USP6NL: variants seen among roughly 807,000 people sequenced by gnomAD.
The protein encoded by USP6NL is USP6 N-terminal like.
USP6NL carries 26 observed loss-of-function variants against 61.9 expected under a neutral mutation model. That is an observed-to-expected ratio of 0.42 (90% confidence interval 0.31 to 0.58). USP6NL has a LOEUF of 0.58. Ranked by LOEUF, USP6NL falls within the 20% of genes least tolerant of loss-of-function variation. The pLI, the probability that USP6NL is intolerant of heterozygous loss-of-function variation, is 0.16. For synonymous variants in USP6NL, 432 were observed against 390.1 expected (o/e 1.11, Z -1.27); for missense variants, 1,114 against 1,034.3 (o/e 1.08, Z -1.06).
At chr10:11,484,917 G>T in intron 13 of USP6NL, 54 bp downstream of exon 13, 1 of 1,388,514 alleles carries the variant, frequency 7.2e-7, no homozygotes, top group Non-Finnish European at 9.6e-7. Context: ...AGAAATCAAG[G>T]TTAAATAAGC....
intron 8 of USP6NL, among the ~76,000 whole-genome samples, chr10:11,492,702 T>A (rs1447592554): frequency 6.6e-6 from 1 of 152,256 alleles, no homozygotes; most frequent in Non-Finnish European, 1.5e-5. Context: ...CATTTATAAG[T>A]TGTCATAGCA....
chr10:11,606,353 G>T (rs888020362), intron 1 of USP6NL, among the ~76,000 whole-genome samples: 1 of 152,162 alleles, frequency 6.6e-6, no homozygotes, highest in East Asian at 1.9e-4. Context: ...ATACTAAATG[G>T]TATCTTTAGG....
rs1838152295 is a variant in USP6NL, at chr10:11,591,297, G to A, written c.4+6334C>T. On this transcript the variant is annotated intron_variant, in intron 2 of 14. Transcript: ENST00000609104. This position sits in a 1 kb window ranked among gnomAD's most constrained non-coding sequence, Gnocchi z 4.7. The stretch of plus-strand genomic sequence containing the variant: ...AGTCATTTGGAGCACACTGGTTTGT[G>A]TTGTACTAAAAAAATTTCATTAAAG... Among the ~76,000 whole-genome samples, 1 of 152,070 alleles carries A rather than the reference G, an allele frequency of 6.6e-6. No homozygotes were observed. Among genetic ancestry groups the A allele is most frequent in the Non-Finnish European group, 1.5e-5 (1 of 68,010 alleles).
Position 11,597,834 on chromosome 10 carries a change from T to C in USP6NL, c.-83-117A>G. 1 of 552,210 alleles carries C rather than the reference T, an allele frequency of 1.8e-6. No individual in the cohort carries two copies. Among genetic ancestry groups the C allele is most frequent in the Non-Finnish European group, 3.3e-6 (1 of 307,148 alleles). 34.2% of individuals were successfully genotyped at this position (552,210 alleles called of 1,614,324 possible). On this transcript the variant is annotated intron_variant, in intron 1 of 14. Coordinates refer to ENST00000609104, the MANE Select transcript of USP6NL (RefSeq NM_014688.5). The surrounding 1 kb of genome is among the most constrained non-coding windows in gnomAD (Gnocchi z 4.6). ...ATATTCTACTATTTCCAAAAAGAACTCTTGTGATCACCTATTAAATATAAA... is the reference window on the plus strand; with the variant it reads ...ATATTCTACTATTTCCAAAAAGAACCCTTGTGATCACCTATTAAATATAAA...
In USP6NL at chr10:11,528,119, A is replaced by G. The variant is rs543315261; in HGVS notation, c.5-552T>C. On this transcript the variant is annotated intron_variant, in intron 2 of 14. Transcript: ENST00000609104. This position sits in a 1 kb window ranked among gnomAD's most constrained non-coding sequence, Gnocchi z 4.6. The stretch of plus-strand genomic sequence containing the variant: ...TTTTATCATACATATGTGTGTGGAC[A>G]CACACACAGACACACACACACACAC... 7.5e-4 allele frequency among the ~76,000 whole-genome samples: 108 copies of G among 143,932 alleles called. No individual in the cohort carries two copies. Among genetic ancestry groups the G allele is most frequent in the African/African-American group, 2.6e-3 (101 of 38,728 alleles). The allele number at this position is 143,932 out of a possible 152,430, so 94.4% of individuals were successfully genotyped here. A position where few individuals can be genotyped will look rare whatever the true frequency, so the allele number is the denominator to read the frequency against.
chr10:11,539,032 C>T (rs555572646), intron 2 of USP6NL, among the ~76,000 whole-genome samples: 29 of 152,272 alleles, frequency 1.9e-4, no homozygotes, highest in Non-Finnish European at 4.1e-4. Flanking sequence ...GCGAGGGCAG[C>T]GCTCCTGAAC....
chr10:11,492,198 T>G (rs1240849309), intron 8 of USP6NL, among the ~76,000 whole-genome samples: 1 of 152,194 alleles, frequency 6.6e-6, no homozygotes, highest in African/African-American at 2.4e-5. Flanking sequence ...GAAGGATGAC[T>G]TGGTTACTAT....
rs1268016951 is a variant in USP6NL at position 11,511,213 on chromosome 10, T to C, written c.196-1538A>G. ...TTGATGGGTTTCTCACAATAAAAGA[T>C]GAGCACTCATGAGAAAAAGATATTC... On this transcript the variant is annotated intron_variant, in intron 5 of 14. Coordinates refer to ENST00000609104, the MANE Select transcript of USP6NL (RefSeq NM_014688.5). The surrounding 1 kb of genome is among the most constrained non-coding windows in gnomAD (Gnocchi z 4.9). 6.6e-6 allele frequency among the ~76,000 whole-genome samples: 1 copy of C among 152,226 alleles called. No homozygotes were observed. The highest frequency in any genetic ancestry group is 1.5e-5 in the Non-Finnish European group (1 of 68,036).
chr10:11,527,077 G>T (rs1835450994), intron 3 of USP6NL, among the ~76,000 whole-genome samples: 1 of 152,166 alleles, frequency 6.6e-6, no homozygotes, highest in Admixed American at 6.5e-5. Context: ...AGAAATTCCT[G>T]CCTAGAATGT....
Position 11,548,683 on chromosome 10 carries a change from T to C in USP6NL, c.5-21116A>G, listed in dbSNP as rs1434647309. ...CCACTGGCAAAGACTTTCATTCTGA[T>C]AAACATCAACAAATTAATTTAACTA... On this transcript the variant is annotated intron_variant, in intron 2 of 14. Transcript: ENST00000609104. The surrounding 1 kb of genome is among the most constrained non-coding windows in gnomAD (Gnocchi z 4.3). Among the ~76,000 whole-genome samples, 1 of 152,172 alleles carries C rather than the reference T, an allele frequency of 6.6e-6. No homozygotes were observed. Among genetic ancestry groups the C allele is most frequent in the Non-Finnish European group, 1.5e-5 (1 of 68,012 alleles).
rs71378797 is a variant in USP6NL, at chr10:11,541,230, CATATATATATAT to C, written c.5-13675_5-13664del. 4.9e-3 allele frequency among the ~76,000 whole-genome samples: 213 copies of C among 43,198 alleles called. 5 individuals carry two copies. In the South Asian group the frequency reaches 0.057, roughly 12 times the overall value. 28.3% of individuals were successfully genotyped at this position (43,198 alleles called of 152,430 possible). A position where few individuals can be genotyped will look rare whatever the true frequency, so the allele number is the denominator to read the frequency against. ...TTTATATAACAAACATCAATAGTGC[CATATATATATAT>C]ATATATATATATATATATATATATA... On this transcript the variant is annotated intron_variant, in intron 2 of 14. Transcript: ENST00000609104.
At chr10:11,569,391 CA>C (rs1164823152) in intron 2 of USP6NL, among the ~76,000 whole-genome samples, 1 of 152,106 alleles carries the variant, frequency 6.6e-6, no homozygotes, top group Non-Finnish European at 1.5e-5. Flanking sequence ...TAGAAACGTT[CA>C]GTAAGTCAAA....
intron 2 of USP6NL, among the ~76,000 whole-genome samples, chr10:11,571,736 A>T (rs922204288): frequency 4.6e-5 from 7 of 151,564 alleles, no homozygotes; most frequent in Non-Finnish European, 7.4e-5. Context: ...AATATGAAAA[A>T]TTGGTAAGAT....
In USP6NL at chr10:11,525,576, A is replaced by G. The variant is rs536306076; in HGVS notation, c.73-108T>C. ...AGCTATTTTTAATGTATTACTAAAAATAAGAGCTGGAAGTGAGGCATTATG... is the reference window on the plus strand; with the variant it reads ...AGCTATTTTTAATGTATTACTAAAAGTAAGAGCTGGAAGTGAGGCATTATG... On this transcript the variant is annotated intron_variant, in intron 3 of 14. Coordinates refer to ENST00000609104, the MANE Select transcript of USP6NL (RefSeq NM_014688.5). The surrounding 1 kb of genome is among the most constrained non-coding windows in gnomAD (Gnocchi z 5.0). 1 of 998,602 alleles carries G rather than the reference A, an allele frequency of 1.0e-6. No homozygotes were observed. The highest frequency in any genetic ancestry group is 1.4e-6 in the Non-Finnish European group (1 of 714,520). 61.9% of individuals were successfully genotyped at this position (998,602 alleles called of 1,614,324 possible).
intron 2 of USP6NL, among the ~76,000 whole-genome samples, chr10:11,554,288 G>T (rs974534932): frequency 5.3e-5 from 8 of 152,174 alleles, no homozygotes; most frequent in African/African-American, 1.9e-4. Context: ...AGCATGAGGG[G>T]CCAAGATCCT....
At position 11,598,021 on chromosome 10, in the gene USP6NL, C is replaced by T. The variant is rs187481996; in HGVS notation, c.-83-304G>A. Among the ~76,000 whole-genome samples the T allele has an allele frequency of 2.8e-4, 43 of 152,240 alleles. 1 individual carries two copies. Among genetic ancestry groups the T allele is most frequent in the Admixed American group, 1.0e-3 (16 of 15,286 alleles). On this transcript the variant is annotated intron_variant, in intron 1 of 14. Coordinates refer to ENST00000609104, the MANE Select transcript of USP6NL (RefSeq NM_014688.5). The surrounding 1 kb of genome is among the most constrained non-coding windows in gnomAD (Gnocchi z 4.7). ...CACTAAAAACATTTCTTCCCCATTC[C>T]CAGCTAAGAAAATCACAGGTAGAAG...
At chr10:11,557,449 A>G (rs1375685045) in intron 2 of USP6NL, among the ~76,000 whole-genome samples, 1 of 152,222 alleles carries the variant, frequency 6.6e-6, no homozygotes, top group Non-Finnish European at 1.5e-5. Flanking sequence ...TATTTTTCCA[A>G]ATATACTTAC....
At chr10:11,522,131 A>C (rs1200282821) in intron 4 of USP6NL, among the ~76,000 whole-genome samples, 1 of 152,216 alleles carries the variant, frequency 6.6e-6, no homozygotes, top group Non-Finnish European at 1.5e-5. Flanking sequence ...TTTATTGTGT[A>C]ATCTATTCCA....
intron 1 of USP6NL, among the ~76,000 whole-genome samples, chr10:11,607,409 C>G (rs1838743276): frequency 6.6e-6 from 1 of 152,258 alleles, no homozygotes; most frequent in South Asian, 2.1e-4. Context: ...ATTAGCCAGG[C>G]AAAGTGGCTC....
Sources: gnomAD v4.1 joint callset for allele counts (sites outside exome capture counted in the v4.1 genomes callset) on GRCh38, gnomAD v4.1.1 for gene constraint, Gnocchi (gnomAD v3.1) non-coding constraint, MANE v1.5 for transcripts, NCBI Gene and HGNC (gene_info 2026-07-23, HGNC 2026-07-21) for gene names.